MCPH1: variants seen among roughly 807,000 people sequenced by gnomAD.
The protein encoded by MCPH1 is microcephalin 1.
A neutral mutation model predicts 84.5 loss-of-function variants in MCPH1; 104 were observed. That is an observed-to-expected ratio of 1.23 (90% confidence interval 1.05 to 1.45). The LOEUF (loss-of-function observed/expected upper bound fraction) is 1.45. MCPH1 is among the 40% of genes most tolerant of loss of function. The pLI, the probability that MCPH1 is intolerant of heterozygous loss-of-function variation, is 0.00. For missense variants in MCPH1, 1,498 were observed against 1,005.7 expected (o/e 1.49, Z -6.62); for synonymous variants, 514 against 366.8 (o/e 1.40, Z -4.58).
At chr8:6,522,832 C>T (rs1002040109) in intron 12 of MCPH1, among the ~76,000 whole-genome samples, 1 of 151,914 alleles carries the variant, frequency 6.6e-6, no homozygotes, top group East Asian at 1.9e-4. Context: ...CCTAAAGTCA[C>T]ACACAGCAGG....
chr8:6,431,711 A>G (rs1801868756), intron 4 of MCPH1, 125 bp downstream of exon 4: 2 of 657,206 alleles, frequency 3.0e-6, no homozygotes, highest in Non-Finnish European at 5.2e-6. Context: ...TATTGATGAT[A>G]TTGTTCTTTT....
At chr8:6,597,403 C>T (rs1256621270) in intron 12 of MCPH1, among the ~76,000 whole-genome samples, 1 of 152,214 alleles carries the variant, frequency 6.6e-6, no homozygotes, top group East Asian at 1.9e-4. Flanking sequence ...AGAAGGTAGA[C>T]TCCAGATTTT....
At chr8:6,603,065 C>A (rs182884024) in intron 12 of MCPH1, among the ~76,000 whole-genome samples, 17 of 152,080 alleles carry the variant, frequency 1.1e-4, no homozygotes, top group Admixed American at 1.0e-3. Context: ...TTGCCATTCT[C>A]CCCCAAACAC....
chr8:6,548,995 A>G (rs1048506395), intron 12 of MCPH1, among the ~76,000 whole-genome samples: 5 of 152,236 alleles, frequency 3.3e-5, no homozygotes, highest in African/African-American at 1.2e-4. Context: ...CTATTCCTCA[A>G]AAGTTGGTTC....
At chr8:6,547,933 T>C (rs1822907895) in intron 12 of MCPH1, among the ~76,000 whole-genome samples, 1 of 151,808 alleles carries the variant, frequency 6.6e-6, no homozygotes, top group Admixed American at 6.6e-5. Flanking sequence ...ACTTCTCTAG[T>C]TTGGGTTATG....
chr8:6,414,057 T>C (rs1468480001), intron 2 of MCPH1, among the ~76,000 whole-genome samples: 1 of 152,088 alleles, frequency 6.6e-6, no homozygotes, highest in Non-Finnish European at 1.5e-5. Context: ...CCAGTTTCCT[T>C]TGGTTTTAAT....
chr8:6,446,930 G>T, intron 8 of MCPH1: 1 of 985,320 alleles, frequency 1.0e-6, no homozygotes. Flanking sequence ...GGGGGTGAGG[G>T]GCCAGCACTA....
chr8:6,538,590 G>C (rs1398923958), intron 12 of MCPH1, among the ~76,000 whole-genome samples: 1 of 152,120 alleles, frequency 6.6e-6, no homozygotes, highest in Non-Finnish European at 1.5e-5. Context: ...CTCATACCAC[G>C]GCCGCCTTTG....
intron 12 of MCPH1, among the ~76,000 whole-genome samples, chr8:6,582,058 C>T (rs1323084569): frequency 6.6e-6 from 1 of 152,158 alleles, no homozygotes; most frequent in African/African-American, 2.4e-5. Flanking sequence ...ACATTCAGAC[C>T]ATAGCCACTG....
At chr8:6,426,401 T>C (rs1475106607) in intron 3 of MCPH1, among the ~76,000 whole-genome samples, 2 of 152,196 alleles carry the variant, frequency 1.3e-5, no homozygotes, top group African/African-American at 2.4e-5. Flanking sequence ...TCATTAAAGA[T>C]TAGTGTCACC....
At chr8:6,451,223 A>T (rs1408774521) in intron 8 of MCPH1, among the ~76,000 whole-genome samples, 1 of 152,214 alleles carries the variant, frequency 6.6e-6, no homozygotes, top group Non-Finnish European at 1.5e-5. Flanking sequence ...TAGCAACTTG[A>T]TGTGGGTTAG....
chr8:6,630,895 C>G (rs1457493559), intron 13 of MCPH1, among the ~76,000 whole-genome samples: 1 of 151,964 alleles, frequency 6.6e-6, no homozygotes, highest in Non-Finnish European at 1.5e-5. Context: ...CTTTCACCAG[C>G]CACTAAAAAG....
intron 13 of MCPH1, among the ~76,000 whole-genome samples, chr8:6,627,685 G>T (rs1347699452): frequency 2.0e-5 from 3 of 152,022 alleles, no homozygotes; most frequent in African/African-American, 7.3e-5. Flanking sequence ...GAGCCCAGCA[G>T]CTCGAGTCCA....
At chr8:6,520,994 T>A (rs934313783) in intron 12 of MCPH1, among the ~76,000 whole-genome samples, 8 of 152,200 alleles carry the variant, frequency 5.3e-5, no homozygotes, top group African/African-American at 1.9e-4. Context: ...GGGTGTTTGC[T>A]TCATAATAAT....
At chr8:6,632,808 A>G (rs925157234) in intron 13 of MCPH1, among the ~76,000 whole-genome samples, 3 of 149,972 alleles carry the variant, frequency 2.0e-5, no homozygotes, top group Non-Finnish European at 1.5e-5. Context: ...GACTCTGTCT[A>G]AGAAGAAGAA....
chr8:6,624,787 C>G, intron 13 of MCPH1: 1 of 984,786 alleles, frequency 1.0e-6, no homozygotes, highest in Non-Finnish European at 1.2e-6. Flanking sequence ...CGTAAACCTA[C>G]AGAACACACA....
chr8:6,615,088 GT>G (rs1412014905), intron 12 of MCPH1, among the ~76,000 whole-genome samples: 1 of 152,234 alleles, frequency 6.6e-6, no homozygotes, highest in Non-Finnish European at 1.5e-5. Flanking sequence ...TGGCGTGCAT[GT>G]GAATGTTTTA....
At chr8:6,633,205 G>T (rs1186486349) in intron 13 of MCPH1, among the ~76,000 whole-genome samples, 1 of 109,024 alleles carries the variant, frequency 9.2e-6, no homozygotes, top group African/African-American at 3.9e-5. Context: ...CTAGTCAAGG[G>T]AATAAAATAA....
Position 6,436,177 on chromosome 8 carries a change from A to G in MCPH1, c.436+15A>G, listed in dbSNP as rs201603117. 2 of 1,611,174 alleles carry G rather than the reference A, an allele frequency of 1.2e-6. No individual in the cohort carries two copies. The highest frequency in any genetic ancestry group is 2.2e-5 in the East Asian group (1 of 44,774). On this transcript the variant is annotated intron_variant, in intron 5 of 13. Transcript: ENST00000344683. ...AACAAATCTAGGTAAGCTAAGAAAT[A>G]TAATACAGTTCTTTGCATTTGTGTC... is the stretch of plus-strand genomic sequence containing the variant.
Sources: gnomAD v4.1 joint callset for allele counts (sites outside exome capture counted in the v4.1 genomes callset) on GRCh38, gnomAD v4.1.1 for gene constraint, MANE v1.5 for transcripts, NCBI Gene and HGNC (gene_info 2026-07-23, HGNC 2026-07-21) for gene names.